The following FAM168A variants were observed in gnomAD, a reference collection of about 807,000 sequenced individuals.
The protein encoded by FAM168A is protein FAM168A.
A neutral mutation model predicts 28.5 loss-of-function variants in FAM168A; 3 were observed. The ratio of observed to expected loss-of-function variants is 0.11; its 90% CI spans 0.05 to 0.27. The LOEUF is 0.27. Ranked by LOEUF, FAM168A falls within the 10% of genes least tolerant of loss-of-function variation. The probability of loss-of-function intolerance (pLI) is 1.00; values close to 1 mark genes in which losing one functional copy is unlikely to be tolerated. For synonymous variants in FAM168A, 122 were observed against 124.2 expected, an observed-to-expected ratio of 0.98 and a Z score of 0.12; for missense variants, 222 against 311.5, an observed-to-expected ratio of 0.71 and a Z score of 2.16.
intron 3 of FAM168A, chr11:73,430,064 C>T (rs1263104993): frequency 3.3e-5 from 5 of 152,950 alleles, no homozygotes; most frequent in African/African-American, 1.2e-4. Context: ...ACCAGCTGAG[C>T]ATGAGTGTTA....
At chr11:73,417,938 T>A (rs1365755831) in intron 4 of FAM168A, among the ~76,000 whole-genome samples, 2 of 152,192 alleles carry the variant, frequency 1.3e-5, no homozygotes, top group Non-Finnish European at 2.9e-5. Flanking sequence ...GATACCTTTT[T>A]CCGGCTGTGC....
chr11:73,498,596 G>A (rs763867520), intron 1 of FAM168A, among the ~76,000 whole-genome samples: 6 of 152,150 alleles, frequency 3.9e-5, no homozygotes, highest in Admixed American at 2.6e-4. Flanking sequence ...ATTGGAACTC[G>A]CAACTGCCTG....
chr11:73,416,995 T>C (rs1157822582), intron 4 of FAM168A, among the ~76,000 whole-genome samples: 1 of 152,148 alleles, frequency 6.6e-6, no homozygotes, highest in Admixed American at 6.5e-5. Flanking sequence ...GGGACTGTGA[T>C]AGCCTGTCTG....
intron 1 of FAM168A, among the ~76,000 whole-genome samples, chr11:73,588,172 G>GA (rs992576966): frequency 6.6e-6 from 1 of 151,938 alleles, no homozygotes; most frequent in Non-Finnish European, 1.5e-5. Flanking sequence ...ATTTTTACTT[G>GA]AAAAAACGAC....
chr11:73,592,872 CAAA>C (rs35686813), intron 1 of FAM168A, among the ~76,000 whole-genome samples: 4 of 143,992 alleles, frequency 2.8e-5, no homozygotes, highest in Non-Finnish European at 1.5e-5. Context: ...CTGTCTCTAC[CAAA>C]AAAAAAAAAA....
intron 2 of FAM168A, among the ~76,000 whole-genome samples, chr11:73,436,840 T>C (rs1254699205): frequency 1.3e-5 from 2 of 152,184 alleles, no homozygotes; most frequent in Non-Finnish European, 2.9e-5. Flanking sequence ...TTTTACTTTA[T>C]CTTCAAAACC....
chr11:73,459,490 A>C (rs1292836548), intron 2 of FAM168A, among the ~76,000 whole-genome samples: 1 of 151,808 alleles, frequency 6.6e-6, no homozygotes, highest in East Asian at 2.0e-4. Flanking sequence ...TGAGTCAAAA[A>C]AAGAAAAAAA....
At chr11:73,587,654 TC>T (rs1377656830) in intron 1 of FAM168A, among the ~76,000 whole-genome samples, 1 of 152,120 alleles carries the variant, frequency 6.6e-6, no homozygotes, top group Non-Finnish European at 1.5e-5. Flanking sequence ...CAAAACTCCA[TC>T]TCAAAAAAAA....
chr11:73,529,913 A>G (rs1459593580), intron 1 of FAM168A, among the ~76,000 whole-genome samples: 1 of 150,832 alleles, frequency 6.6e-6, no homozygotes, highest in Non-Finnish European at 1.5e-5. Context: ...CAGTCTCCAG[A>G]GTAGCTGGGA....
At chr11:73,525,649 G>A (rs1943438241) in intron 1 of FAM168A, among the ~76,000 whole-genome samples, 1 of 152,018 alleles carries the variant, frequency 6.6e-6, no homozygotes, top group Admixed American at 6.6e-5. Flanking sequence ...TAATACCTAG[G>A]CTAGGGTCTG....
At chr11:73,560,089 A>C (rs912171218) in intron 1 of FAM168A, among the ~76,000 whole-genome samples, 1 of 152,118 alleles carries the variant, frequency 6.6e-6, no homozygotes, top group African/African-American at 2.4e-5. Flanking sequence ...TCTGAGACAG[A>C]GTCTCACTCT....
At chr11:73,551,528 G>A (rs1472287024) in intron 1 of FAM168A, among the ~76,000 whole-genome samples, 3 of 152,194 alleles carry the variant, frequency 2.0e-5, no homozygotes, top group Non-Finnish European at 4.4e-5. Flanking sequence ...AAATTTAACT[G>A]CACTCCTTTA....
At chr11:73,410,086 T>A (rs2134479983) in intron 5 of FAM168A, among the ~76,000 whole-genome samples, 1 of 151,522 alleles carries the variant, frequency 6.6e-6, no homozygotes, top group African/African-American at 2.4e-5. Context: ...TGTAAGTGCA[T>A]GTTGTAAAAA....
intron 1 of FAM168A, among the ~76,000 whole-genome samples, chr11:73,535,464 G>A (rs1292993746): frequency 2.0e-5 from 3 of 148,968 alleles, no homozygotes; most frequent in Non-Finnish European, 4.4e-5. Context: ...TGTCGCCCAG[G>A]CTGGAGTGCA....
At chr11:73,465,973 G>T (rs762742682) in intron 2 of FAM168A, among the ~76,000 whole-genome samples, 22 of 152,154 alleles carry the variant, frequency 1.4e-4, no homozygotes, top group Non-Finnish European at 2.6e-4. Context: ...GGGAGAGAGA[G>T]AGAGAGAGAG....
chr11:73,527,926 G>A (rs1222257021), intron 1 of FAM168A, among the ~76,000 whole-genome samples: 1 of 152,080 alleles, frequency 6.6e-6, no homozygotes, highest in East Asian at 1.9e-4. Context: ...AACCAAAGAG[G>A]AAGGTGACTA....
At chr11:73,408,508 A>G (rs1357586019) in intron 6 of FAM168A, among the ~76,000 whole-genome samples, 1 of 152,166 alleles carries the variant, frequency 6.6e-6, no homozygotes, top group Non-Finnish European at 1.5e-5. Flanking sequence ...GGCTAGGCAT[A>G]ATGGCTTATA....
At chr11:73,469,920 T>C (rs1230551555) in intron 1 of FAM168A, among the ~76,000 whole-genome samples, 2 of 152,258 alleles carry the variant, frequency 1.3e-5, no homozygotes, top group East Asian at 3.9e-4. Flanking sequence ...TTTTTGTTTT[T>C]GTTTTTTTTG....
rs141528475 is a variant in FAM168A, at chr11:73,423,633, A to G, written c.152-3634T>C. Among the ~76,000 whole-genome samples the G allele has an allele frequency of 5.9e-3, 892 of 152,238 alleles. 8 individuals carry two copies. Among genetic ancestry groups the G allele is most frequent in the Middle Eastern group, 0.027 (8 of 294 alleles). Reference sequence around the variant, plus strand: ...TCTGGTAATATTAATTAATCCATCAATCATGAGCTGAAGACTCACACCTAC... The same window carrying G: ...TCTGGTAATATTAATTAATCCATCAGTCATGAGCTGAAGACTCACACCTAC... On this transcript the variant is annotated intron_variant, in intron 3 of 7. Transcript: ENST00000356467.
Sources: gnomAD v4.1 joint callset for allele counts (sites outside exome capture counted in the v4.1 genomes callset) on GRCh38, gnomAD v4.1.1 for gene constraint, MANE v1.5 for transcripts, NCBI Gene and HGNC (gene_info 2026-07-23, HGNC 2026-07-21) for gene names.